ZNF562: variants seen among roughly 807,000 people sequenced by gnomAD.
The protein encoded by ZNF562 is zinc finger protein 562.
ZNF562 carries 13 observed loss-of-function variants against 17.5 expected under a neutral mutation model. The observed-to-expected ratio is 0.74, with a 90% confidence interval of 0.48 to 1.18. The LOEUF is 1.18. ZNF562 is among the 50% of genes most tolerant of loss of function. The pLI, the probability that ZNF562 is intolerant of heterozygous loss-of-function variation, is 0.00. For missense variants in ZNF562, 481 were observed against 498.5 expected (o/e 0.96, Z 0.33); for synonymous variants, 163 against 165.4 (o/e 0.99, Z 0.11).
intron 4 of ZNF562, among the ~76,000 whole-genome samples, chr19:9,657,309 G>GC (rs991613013): frequency 6.8e-6 from 1 of 146,892 alleles, no homozygotes; most frequent in Non-Finnish European, 1.5e-5. Context: ...CAGGAGAATG[G>GC]CAAGAACCCG....
At chr19:9,669,723 C>CTT (rs2044088659) in intron 1 of ZNF562, among the ~76,000 whole-genome samples, 6 of 79,850 alleles carry the variant, frequency 7.5e-5, no homozygotes, top group East Asian at 3.4e-4. Flanking sequence ...CGCGAGCGCG[C>CTT]GCGCGCGCGC....
Position 9,643,833 on chromosome 19 carries a change from T to G in ZNF562, c.*9116A>C, listed in dbSNP as rs1255167363. 6.6e-6 allele frequency: 1 copy of G among 152,148 alleles called. No homozygotes were observed. The highest frequency in any genetic ancestry group is 1.5e-5 in the Non-Finnish European group (1 of 68,064). 9.4% of individuals were successfully genotyped at this position (152,148 alleles called of 1,614,324 possible). A position where few individuals can be genotyped will look rare whatever the true frequency, so the allele number is the denominator to read the frequency against. On this transcript the variant is annotated 3_prime_UTR_variant, in exon 6 of 6. Coordinates refer to ENST00000453372, the MANE Select transcript of ZNF562 (RefSeq NM_001130031.2). Reference sequence around the variant, plus strand: ...ATACTTAGCGCATTTTTTTGTTTGTTTGTTTTTTGAGACAGTCTTACTCTG... The same window carrying G: ...ATACTTAGCGCATTTTTTTGTTTGTGTGTTTTTTGAGACAGTCTTACTCTG...
At chr19:9,669,724 G>GCACACA (rs1255709994) in intron 1 of ZNF562, among the ~76,000 whole-genome samples, 3 of 77,980 alleles carry the variant, frequency 3.8e-5, no homozygotes, top group African/African-American at 1.5e-4. Context: ...GCGAGCGCGC[G>GCACACA]CGCGCGCGCG....
intron 5 of ZNF562, among the ~76,000 whole-genome samples, chr19:9,656,328 T>A (rs1599276934): frequency 6.6e-6 from 1 of 152,150 alleles, no homozygotes; most frequent in East Asian, 1.9e-4. Context: ...GCTAACATAG[T>A]GAAACCCTGT....
chr19:9,659,338 G>T, intron 3 of ZNF562, 41 bp downstream of exon 3: 1 of 1,500,532 alleles, frequency 6.7e-7, no homozygotes, highest in Non-Finnish European at 9.1e-7. Context: ...CCTATTGGAT[G>T]TAAGTATGTC....
In ZNF562 at chr19:9,647,247, A is replaced by T. The variant is rs2074814027; in HGVS notation, c.*5702T>A. The T allele has an allele frequency of 6.6e-6, 1 of 151,554 alleles. No individual in the cohort carries two copies. Among genetic ancestry groups the T allele is most frequent in the Non-Finnish European group, 1.5e-5 (1 of 67,940 alleles). The allele number at this position is 151,554 out of a possible 1,614,324, so 9.4% of individuals were successfully genotyped here. A position where few individuals can be genotyped will look rare whatever the true frequency, so the allele number is the denominator to read the frequency against. ...CAGGGGCACAATACCGTGCCCAGCT[A>T]ATTTTTGTATTTTTAGTAAAGACGG... On this transcript the variant is annotated 3_prime_UTR_variant, in exon 6 of 6. Transcript: ENST00000453372.
At chr19:9,668,247 C>T (rs1377698433) in intron 1 of ZNF562, among the ~76,000 whole-genome samples, 2 of 151,904 alleles carry the variant, frequency 1.3e-5, no homozygotes, top group East Asian at 1.9e-4. Flanking sequence ...TGATGGCACA[C>T]ACCTGTAGTC....
chr19:9,655,956 C>T (rs1191894022), intron 5 of ZNF562, among the ~76,000 whole-genome samples: 2 of 151,898 alleles, frequency 1.3e-5, no homozygotes, highest in Admixed American at 6.6e-5. Context: ...CTGTCTCAAA[C>T]TCCTGACCTC....
chr19:9,664,722 C>T (rs1407682885), intron 1 of ZNF562, among the ~76,000 whole-genome samples: 1 of 152,128 alleles, frequency 6.6e-6, no homozygotes, highest in Non-Finnish European at 1.5e-5. Context: ...GGTGGATCAC[C>T]TGAGGGCAGA....
intron 1 of ZNF562, among the ~76,000 whole-genome samples, chr19:9,671,675 A>G (rs568526213): frequency 2.8e-4 from 42 of 152,374 alleles, no homozygotes; most frequent in African/African-American, 9.1e-4. Flanking sequence ...CACCTGATCC[A>G]GCAGACCCAG....
intron 3 of ZNF562, among the ~76,000 whole-genome samples, chr19:9,658,999 C>T (rs2043623874): frequency 6.6e-6 from 1 of 152,132 alleles, no homozygotes; most frequent in Non-Finnish European, 1.5e-5. Flanking sequence ...TCTTCCTGTC[C>T]CATTGGTCTC....
In ZNF562 at chr19:9,643,063, AG is replaced by A. The variant is rs1344836833; in HGVS notation, c.*9885del. On this transcript the variant is annotated 3_prime_UTR_variant, in exon 6 of 6. Coordinates refer to ENST00000453372, the MANE Select transcript of ZNF562 (RefSeq NM_001130031.2). ...TCTCTGGAAAAAAAAAAAAAAAAAA[AG>A]AACACCACCGGCCACTGTGGCTCAT... The A allele has an allele frequency of 0.021, 1,823 of 87,000 alleles. 37 individuals carry two copies. Among genetic ancestry groups the A allele is most frequent in the Non-Finnish European group, 0.028 (1,310 of 46,340 alleles). 5.4% of individuals were successfully genotyped at this position (87,000 alleles called of 1,614,324 possible).
chr19:9,653,937 C>A, intron 5 of ZNF562, 56 bp from the exon 6 acceptor site: 1 of 1,437,502 alleles, frequency 7.0e-7, no homozygotes, highest in Non-Finnish European at 9.2e-7. Context: ...AGATTTCACC[C>A]ATCTGAACAC....
Position 9,649,017 on chromosome 19 carries a change from C to A in ZNF562, c.*3932G>T, listed in dbSNP as rs950581979. Reference sequence around the variant, plus strand: ...GACATTGTTGCAGGAAGTCAGGGACCCCAAACGGGGGGACTGGCTGAAGCC... The same window carrying A: ...GACATTGTTGCAGGAAGTCAGGGACACCAAACGGGGGGACTGGCTGAAGCC... On this transcript the variant is annotated 3_prime_UTR_variant, in exon 6 of 6. Transcript: ENST00000453372. The A allele has an allele frequency of 6.6e-6, 1 of 152,102 alleles. No individual in the cohort carries two copies. Among genetic ancestry groups the A allele is most frequent in the Non-Finnish European group, 1.5e-5 (1 of 68,020 alleles). 9.4% of individuals were successfully genotyped at this position (152,102 alleles called of 1,614,324 possible).
chr19:9,645,050 AT>A lies in ZNF562; in HGVS notation c.*7898del, dbSNP rs1211509395. On this transcript the variant is annotated 3_prime_UTR_variant, in exon 6 of 6. Coordinates refer to ENST00000453372, the MANE Select transcript of ZNF562 (RefSeq NM_001130031.2). Reference sequence around the variant, plus strand: ...CAGTCTCTCTGTGAACATTGACAGAATTTTTTTTTTTTTTTTGAGACAGAGT... The same window carrying A: ...CAGTCTCTCTGTGAACATTGACAGAATTTTTTTTTTTTTTTGAGACAGAGT... 4.0e-3 allele frequency: 576 copies of A among 142,704 alleles called. No homozygotes were observed. The highest frequency in any genetic ancestry group is 5.1e-3 in the South Asian group (23 of 4,490). 8.8% of individuals were successfully genotyped at this position (142,704 alleles called of 1,614,324 possible). A position where few individuals can be genotyped will look rare whatever the true frequency, so the allele number is the denominator to read the frequency against.
At chr19:9,668,767 C>T (rs1247096111) in intron 1 of ZNF562, among the ~76,000 whole-genome samples, 1 of 151,816 alleles carries the variant, frequency 6.6e-6, no homozygotes, top group Non-Finnish European at 1.5e-5. Context: ...AAAAAACAAA[C>T]AAACACATAG....
rs1257427686 is a variant in ZNF562 at position 9,642,306 on chromosome 19, A to C, written c.*10643T>G. The C allele has an allele frequency of 6.7e-6, 1 of 148,966 alleles. No homozygotes were observed. Among genetic ancestry groups the C allele is most frequent in the Non-Finnish European group, 1.5e-5 (1 of 67,324 alleles). The allele number at this position is 148,966 out of a possible 1,614,324, so 9.2% of individuals were successfully genotyped here. On this transcript the variant is annotated 3_prime_UTR_variant, in exon 6 of 6. Transcript: ENST00000453372. ...TTTCTTTAAAAAAAAAAAAAAAAAC[A>C]GGGTTTCACTCTGTCACACAGGCTG...
chr19:9,665,305 T>A (rs1264394748), intron 1 of ZNF562, among the ~76,000 whole-genome samples: 2 of 151,292 alleles, frequency 1.3e-5, no homozygotes, highest in South Asian at 4.2e-4. Flanking sequence ...AATTTCCATA[T>A]CCACAACACC....
chr19:9,652,941 T>G lies in ZNF562; in HGVS notation c.*8A>C. 4 of 1,475,224 alleles carry G rather than the reference T, an allele frequency of 2.7e-6. No individual in the cohort carries two copies. Among genetic ancestry groups the G allele is most frequent in the Non-Finnish European group, 3.6e-6 (4 of 1,112,620 alleles). 91.4% of individuals were successfully genotyped at this position (1,475,224 alleles called of 1,614,324 possible). A position where few individuals can be genotyped will look rare whatever the true frequency, so the allele number is the denominator to read the frequency against. On this transcript the variant is annotated 3_prime_UTR_variant, in exon 6 of 6. Coordinates refer to ENST00000453372, the MANE Select transcript of ZNF562 (RefSeq NM_001130031.2). Reference sequence around the variant, plus strand: ...GAATACAGAAATTCTTTCCCACATATCTTGCATTTACCTTTCTCCACTGTG... The same window carrying G: ...GAATACAGAAATTCTTTCCCACATAGCTTGCATTTACCTTTCTCCACTGTG...
Sources: allele counts gnomAD v4.1 joint callset (sites outside exome capture counted in the v4.1 genomes callset), GRCh38; gene constraint gnomAD v4.1.1; transcripts MANE v1.5; gene names NCBI Gene and HGNC (gene_info 2026-07-23, HGNC 2026-07-21).